NEMP1: variants seen among roughly 807,000 people sequenced by gnomAD.
NEMP1 encodes transmembrane protein 194.
In NEMP1, 29 loss-of-function variants were observed where a neutral mutation model predicts 53.7. The observed-to-expected ratio is 0.54, with a 90% CI of 0.40 to 0.74. The LOEUF (loss-of-function observed/expected upper bound fraction) is 0.74, where lower values mean the gene tolerates loss of function less well. Ranked by LOEUF, NEMP1 falls within the 30% of genes least tolerant of loss-of-function variation. The probability of loss-of-function intolerance (pLI) is 0.00; values close to 1 mark genes in which losing one functional copy is unlikely to be tolerated. For synonymous variants in NEMP1, 193 were observed against 192.9 expected (o/e 1.00, Z 0.00); for missense variants, 477 against 528.6 (o/e 0.90, Z 0.96).
upstream of NEMP1, among the ~76,000 whole-genome samples, chr12:57,081,971 C>T (rs1236831545): frequency 6.6e-6 from 1 of 151,978 alleles, no homozygotes; most frequent in Non-Finnish European, 1.5e-5. Flanking sequence ...GTAATCCCAG[C>T]ACTTTGGGAG....
chr12:57,075,289 G>A (rs908195617), intron 1 of NEMP1, among the ~76,000 whole-genome samples: 1 of 150,828 alleles, frequency 6.6e-6, no homozygotes, highest in Non-Finnish European at 1.5e-5. Context: ...TTGGGAGGCT[G>A]AGGCAGGAGA....
intron 3 of NEMP1, among the ~76,000 whole-genome samples, chr12:57,069,886 T>G (rs2032268297): frequency 6.7e-6 from 1 of 150,172 alleles, no homozygotes; most frequent in Non-Finnish European, 1.5e-5. Flanking sequence ...TCAAGAGTTC[T>G]ACGGGAGGCC....
rs78849401 is a variant in NEMP1 at position 57,071,931 on chromosome 12, C to T, written c.252+857G>A. 2.2e-3 allele frequency among the ~76,000 whole-genome samples: 339 copies of T among 152,258 alleles called. 3 individuals carry two copies. The highest frequency in any genetic ancestry group is 7.3e-3 in the African/African-American group (303 of 41,540). On this transcript the variant is annotated intron_variant, in intron 2 of 8. Transcript: ENST00000300128. ...AACAACTACGACATTTCTGAAAGGA[C>T]CTATTTTGTACAATCACTGTTACAG...
At chr12:57,086,527 T>TCC (rs35908183) in intron 1 of NEMP1, among the ~76,000 whole-genome samples, 12 of 149,206 alleles carry the variant, frequency 8.0e-5, no homozygotes, top group South Asian at 6.4e-4. Flanking sequence ...TTGTCACCAC[T>TCC]CCCCCCCCCC....
rs1216980300 is a variant in NEMP1 at position 57,061,709 on chromosome 12, C to CA, written c.981-765dup. ...ACTCCATCTCAAAAAAAAAAAAAAA[C>CA]AAAAAAAAACGCCGGGCAAGGTGGC... On this transcript the variant is annotated intron_variant, in intron 7 of 8. Transcript: ENST00000300128. Among the ~76,000 whole-genome samples the CA allele has an allele frequency of 1.9e-3, 194 of 104,840 alleles. 1 individual carries two copies. The highest frequency in any genetic ancestry group is 1.8e-3 in the African/African-American group (52 of 29,496). 68.8% of individuals were successfully genotyped at this position (104,840 alleles called of 152,430 possible). A position where few individuals can be genotyped will look rare whatever the true frequency, so the allele number is the denominator to read the frequency against.
chr12:57,072,554 G>A (rs573102124), intron 2 of NEMP1, among the ~76,000 whole-genome samples: 1 of 152,260 alleles, frequency 6.6e-6, no homozygotes, highest in African/African-American at 2.4e-5. Context: ...AAGGAGGGAG[G>A]AGGAAAGAAG....
Position 57,060,870 on chromosome 12 carries a change from C to A in NEMP1, c.1056G>T (p.Glu352Asp), listed in dbSNP as rs1172432318. 1.2e-6 allele frequency: 2 copies of A among 1,614,166 alleles called. No homozygotes were observed. The highest frequency in any genetic ancestry group is 1.7e-6 in the Non-Finnish European group (2 of 1,180,006). ...LTEEEYRIQG[E>D]VETRKALEEL... is the part of the protein sequence containing the mutation. ...CCTCTAAAGCCTTTCGGGTTTCTAC[C>A]TCTCCTTGTATCCGATATTCTTCTT... Residue 352 changes from glutamate to aspartate, a missense_variant, in exon 8 of 9, where the codon GAG becomes GAT. Coordinates refer to ENST00000300128, the MANE Select transcript of NEMP1 (RefSeq NM_001130963.2).
intron 1 of NEMP1, among the ~76,000 whole-genome samples, chr12:57,074,032 G>A (rs2032482689): frequency 1.3e-5 from 2 of 151,472 alleles, no homozygotes; most frequent in African/African-American, 4.9e-5. Context: ...ACAGTAATGT[G>A]ATCATAGCTC....
In NEMP1 at chr12:57,078,610, G is replaced by A. The variant is rs771583170; in HGVS notation, c.127+9C>T. On this transcript the variant is annotated intron_variant, in intron 1 of 8. Coordinates refer to ENST00000300128, the MANE Select transcript of NEMP1 (RefSeq NM_001130963.2). ...CCTGCCCCCTTGGCAGCTGCTGCCCGGGCGGTACCTGTGCCGTAGACCAAG... is the reference window on the plus strand; with the variant it reads ...CCTGCCCCCTTGGCAGCTGCTGCCCAGGCGGTACCTGTGCCGTAGACCAAG... 2 of 1,600,332 alleles carry A rather than the reference G, an allele frequency of 1.2e-6. No individual in the cohort carries two copies. The highest frequency in any genetic ancestry group is 2.3e-5 in the East Asian group (1 of 43,668).
In NEMP1 at chr12:57,072,829, C is replaced by T; in HGVS notation, c.211G>A (p.Val71Met). The change falls in exon 2 of 9, where the codon GTG (valine) becomes ATG (methionine). Residue 71 changes from valine to methionine, a missense_variant. Val to Met is a conservative substitution (Grantham distance 21). Transcript: ENST00000300128. ...ATATCATGCCATTTTGGGATAAGCA[C>T]ATTTGTGTAACAGAATTGTTGGCTG... ...RASQQFCYTNVLIPKWHDIWT... is the reference protein window; with the variant it reads ...RASQQFCYTNMLIPKWHDIWT... The T allele has an allele frequency of 6.2e-7, 1 of 1,613,554 alleles. No individual in the cohort carries two copies. Among genetic ancestry groups the T allele is most frequent in the Non-Finnish European group, 8.5e-7 (1 of 1,179,736 alleles).
chr12:57,073,973 T>A (rs937587641), intron 1 of NEMP1, among the ~76,000 whole-genome samples: 2 of 150,732 alleles, frequency 1.3e-5, no homozygotes, highest in African/African-American at 2.5e-5. Context: ...ATTTTATTTT[T>A]TTATTTTTTT....
At chr12:57,076,208 C>T (rs1826951141) in intron 1 of NEMP1, among the ~76,000 whole-genome samples, 1 of 152,054 alleles carries the variant, frequency 6.6e-6, no homozygotes, top group Non-Finnish European at 1.5e-5. Context: ...CAATATCCAA[C>T]CAAATGTTTA....
At chr12:57,061,289 A>G (rs1453659355) in intron 7 of NEMP1, among the ~76,000 whole-genome samples, 1 of 152,258 alleles carries the variant, frequency 6.6e-6, no homozygotes, top group East Asian at 1.9e-4. Context: ...GTAAAAAATT[A>G]TAGTCAATAT....
intron 1 of NEMP1, among the ~76,000 whole-genome samples, chr12:57,086,062 T>C (rs1249720460): frequency 6.6e-6 from 1 of 152,188 alleles, no homozygotes; most frequent in Admixed American, 6.5e-5. Flanking sequence ...AGGAATTAAT[T>C]CTGCCTGGAG....
Position 57,055,764 on chromosome 12 carries a change from G to C in NEMP1, c.*4115C>G, listed in dbSNP as rs1010073216. ...GTGAAAATAAGACCCATGGCAAAGA[G>C]CCATCCCTGATAATTTTGTTCCTTT... On this transcript the variant is annotated 3_prime_UTR_variant, in exon 9 of 9. Coordinates refer to ENST00000300128, the MANE Select transcript of NEMP1 (RefSeq NM_001130963.2). The C allele has an allele frequency of 2.0e-5, 3 of 152,114 alleles. No homozygotes were observed. Among genetic ancestry groups the C allele is most frequent in the African/African-American group, 7.2e-5 (3 of 41,414 alleles). The allele number at this position is 152,114 out of a possible 1,614,324, so 9.4% of individuals were successfully genotyped here.
At position 57,064,788 on chromosome 12, in the gene NEMP1, T is replaced by C. The variant is rs188336200; in HGVS notation, c.546-49A>G. The C allele has an allele frequency of 4.2e-6, 6 of 1,414,656 alleles. No homozygotes were observed. The African/African-American group carries it at 8.5e-5, about 20-fold the overall frequency. The allele number at this position is 1,414,656 out of a possible 1,614,324, so 87.6% of individuals were successfully genotyped here. A position where few individuals can be genotyped will look rare whatever the true frequency, so the allele number is the denominator to read the frequency against. Reference sequence around the variant, plus strand: ...TGACCATATGTATATATTTCATACATAGCACTGTTGAAACTAGGACAACTA... The same window carrying C: ...TGACCATATGTATATATTTCATACACAGCACTGTTGAAACTAGGACAACTA... On this transcript the variant is annotated intron_variant, in intron 4 of 8. Coordinates refer to ENST00000300128, the MANE Select transcript of NEMP1 (RefSeq NM_001130963.2).
At chr12:57,086,800 G>C (rs2033008186) in intron 1 of NEMP1, among the ~76,000 whole-genome samples, 1 of 152,216 alleles carries the variant, frequency 6.6e-6, no homozygotes, top group Admixed American at 6.5e-5. Context: ...CAAACCTAGA[G>C]AGAGAGAGGA....
At chr12:57,087,190 G>A (rs1006100198) in intron 1 of NEMP1, among the ~76,000 whole-genome samples, 3 of 152,230 alleles carry the variant, frequency 2.0e-5, no homozygotes, top group African/African-American at 4.8e-5. Flanking sequence ...ACCGGGACCC[G>A]GGCGCCCCGC....
At chr12:57,077,266 A>G (rs2032674293) in intron 1 of NEMP1, among the ~76,000 whole-genome samples, 1 of 150,622 alleles carries the variant, frequency 6.6e-6, no homozygotes, top group Non-Finnish European at 1.5e-5. Flanking sequence ...TGGGAGGCGG[A>G]GCTTGCAGTG....
Sources: gnomAD v4.1 joint callset for allele counts (sites outside exome capture counted in the v4.1 genomes callset) on GRCh38, gnomAD v4.1.1 for gene constraint, MANE v1.5 for transcripts, NCBI Gene and HGNC (gene_info 2026-07-23, HGNC 2026-07-21) for gene names.